Variants in SAP130 observed in about 807,000 individuals in gnomAD.
SAP130 encodes the protein Sin3A associated protein 130, also known as histone deacetylase complex subunit SAP130.
SAP130 carries 16 observed loss-of-function variants against 103.2 expected under a neutral mutation model. The observed-to-expected ratio is 0.16, with a 90% CI of 0.10 to 0.24. SAP130 has a LOEUF of 0.24. Among genes scored for constraint, SAP130 ranks in the 10% least tolerant of loss-of-function variants. SAP130 has a pLI of 1.00. For missense variants in SAP130, 990 were observed against 1,359.7 expected (o/e 0.73, Z 4.28); for synonymous variants, 477 against 497.0 (o/e 0.96, Z 0.53).
intron 2 of SAP130, 70 bp from the exon 3 acceptor site, chr2:128,017,985 G>A: frequency 7.9e-7 from 1 of 1,266,436 alleles, no homozygotes; most frequent in Non-Finnish European, 1.1e-6. Context: ...ACAGACAAGA[G>A]TGGTACCTGA....
intron 15 of SAP130, among the ~76,000 whole-genome samples, chr2:127,972,095 C>T (rs529721448): frequency 9.9e-5 from 15 of 152,158 alleles, no homozygotes; most frequent in Non-Finnish European, 2.2e-4. Flanking sequence ...AGATTGACTA[C>T]TGCAAATAAA....
In SAP130 at chr2:128,026,269, C is replaced by T. The variant is rs1319788095; in HGVS notation, c.24G>A (p.Arg8=). ...TCAGCCCGGTAGAAGGGGCTCCTAA[C>T]CGAGGAAACTGTTGAGAACTCATTT... MSSQQFP[R]LGAPSTGLSQ... Residue 8 remains arginine, a synonymous_variant, in exon 2 of 21, where the codon CGG becomes CGA. Transcript: ENST00000643581. 7 of 1,613,926 alleles carry T rather than the reference C, an allele frequency of 4.3e-6. No individual in the cohort carries two copies. Among genetic ancestry groups the T allele is most frequent in the South Asian group, 3.3e-5 (3 of 91,082 alleles).
chr2:128,004,144 G>A (rs1036023284), intron 7 of SAP130, among the ~76,000 whole-genome samples: 2 of 151,684 alleles, frequency 1.3e-5, no homozygotes, highest in African/African-American at 4.8e-5. Flanking sequence ...AGGACAAGGG[G>A]ATTGTAGGCA....
intron 9 of SAP130, 101 bp downstream of exon 9, chr2:127,999,955 C>T (rs1189460479): frequency 6.9e-7 from 1 of 1,450,288 alleles, no homozygotes; most frequent in Admixed American, 1.8e-5. Flanking sequence ...ATTTTTCTAG[C>T]CCGTTGTTTT....
rs1683170751 is a variant in SAP130 at position 127,996,297 on chromosome 2, G to A, written c.1355+53C>T. ...GGACACTTTGTTTTATGCTGATAAA[G>A]CAGAACGATTAATGACACAGTGAGG... On this transcript the variant is annotated intron_variant, in intron 11 of 20. Transcript: ENST00000643581. The surrounding 1 kb of genome is among the most constrained non-coding windows in gnomAD (Gnocchi z 4.3). 1 of 1,474,144 alleles carries A rather than the reference G, an allele frequency of 6.8e-7. No individual in the cohort carries two copies. Among genetic ancestry groups the A allele is most frequent in the African/African-American group, 1.4e-5 (1 of 70,600 alleles). The allele number at this position is 1,474,144 out of a possible 1,614,324, so 91.3% of individuals were successfully genotyped here. A position where few individuals can be genotyped will look rare whatever the true frequency, so the allele number is the denominator to read the frequency against.
intron 14 of SAP130, among the ~76,000 whole-genome samples, chr2:127,979,382 T>C (rs1681702799): frequency 6.6e-6 from 1 of 152,176 alleles, no homozygotes; most frequent in Admixed American, 6.5e-5. Flanking sequence ...AGATTTATGG[T>C]AGTTTGTTAC....
intron 14 of SAP130, among the ~76,000 whole-genome samples, chr2:127,984,667 G>A (rs1682243135): frequency 6.6e-6 from 1 of 152,178 alleles, no homozygotes; most frequent in African/African-American, 2.4e-5. Flanking sequence ...TCACCTGCCA[G>A]AGTTCTATCA....
Position 128,001,085 on chromosome 2 carries a change from T to G in SAP130, c.870-631A>C, listed in dbSNP as rs373215058. Among the ~76,000 whole-genome samples the G allele has an allele frequency of 5.3e-5, 8 of 152,294 alleles. No homozygotes were observed. In the South Asian group the frequency reaches 1.2e-3, roughly 24 times the overall value. ...CTTCCTCCCAATTTTACATCATTCC[T>G]TAGCAAATGTAAGAACACTCCTAAA... On this transcript the variant is annotated intron_variant, in intron 7 of 20. Transcript: ENST00000643581.
chr2:128,027,221 GGGCCCGCTGCTGTCCA>G (rs1685576047), intron 1 of SAP130: 1 of 1,205,078 alleles, frequency 8.3e-7, no homozygotes, highest in South Asian at 4.1e-5. Context: ...GCGGCGCCCG[GGGCCCGCTGCTGTCCA>G]GCCCCGCTGG....
intron 17 of SAP130, 28 bp downstream of exon 17, chr2:127,950,132 A>G (rs1679396172): frequency 1.2e-6 from 2 of 1,613,648 alleles, no homozygotes; most frequent in Non-Finnish European, 1.7e-6. Flanking sequence ...GGGAAGCATC[A>G]TAACACAAGT....
chr2:127,980,901 A>G (rs1681821438), intron 14 of SAP130, among the ~76,000 whole-genome samples: 1 of 151,750 alleles, frequency 6.6e-6, no homozygotes, highest in African/African-American at 2.4e-5. Flanking sequence ...CCATCTCAAC[A>G]ACAACAACAA....
At chr2:128,016,590 C>G in intron 3 of SAP130, 43 bp from the exon 4 acceptor site, 2 of 1,564,800 alleles carry the variant, frequency 1.3e-6, no homozygotes, top group Non-Finnish European at 1.7e-6. Flanking sequence ...TGGCCTCATA[C>G]TGGTGATGCA....
chr2:127,957,824 GAAGA>G (rs1037952744), intron 15 of SAP130, among the ~76,000 whole-genome samples: 1 of 152,072 alleles, frequency 6.6e-6, no homozygotes, highest in African/African-American at 2.4e-5. Context: ...GAAAAAGAGA[GAAGA>G]GAGACAGTAA....
At chr2:128,010,821 A>G (rs1369535690) in intron 6 of SAP130, among the ~76,000 whole-genome samples, 1 of 151,562 alleles carries the variant, frequency 6.6e-6, no homozygotes, top group African/African-American at 2.4e-5. Context: ...CCAAGACCGC[A>G]CCATTGCGCT....
chr2:127,961,248 C>T (rs1032340723), intron 15 of SAP130, among the ~76,000 whole-genome samples: 1 of 152,050 alleles, frequency 6.6e-6, no homozygotes, highest in East Asian at 1.9e-4. Context: ...TCTCAGCCTC[C>T]CCTCCCCAAC....
At chr2:127,977,376 T>C (rs771571447) in intron 15 of SAP130, among the ~76,000 whole-genome samples, 14 of 148,006 alleles carry the variant, frequency 9.5e-5, no homozygotes, top group Non-Finnish European at 7.4e-5. Context: ...GGCACATGCC[T>C]GTAATCCCAG....
rs1181185381 is a variant in SAP130, at chr2:127,986,455, G to GT, written c.1958+329dup. Among the ~76,000 whole-genome samples the GT allele has an allele frequency of 6.6e-6, 1 of 152,096 alleles. No individual in the cohort carries two copies. The highest frequency in any genetic ancestry group is 1.5e-5 in the Non-Finnish European group (1 of 68,038). On this transcript the variant is annotated intron_variant, in intron 14 of 20. Coordinates refer to ENST00000643581, the MANE Select transcript of SAP130 (RefSeq NM_001330301.2). The surrounding 1 kb of genome is among the most constrained non-coding windows in gnomAD (Gnocchi z 4.7). ...AATGAAGTTTATAGTATGAGTTAAG[G>GT]TAACTACCTACACAAGCCCAAGAGT...
At chr2:127,950,722 G>A (rs1289028338) in intron 16 of SAP130, among the ~76,000 whole-genome samples, 1 of 152,202 alleles carries the variant, frequency 6.6e-6, no homozygotes, top group Non-Finnish European at 1.5e-5. Flanking sequence ...GTGTTTTGTA[G>A]CACTTTTAGC....
At chr2:128,017,530 C>A in intron 3 of SAP130, 150 bp downstream of exon 3, 1 of 670,356 alleles carries the variant, frequency 1.5e-6, no homozygotes, top group Non-Finnish European at 2.5e-6. Flanking sequence ...AAAATCAGGG[C>A]TGAGTTACAG....
Sources: allele counts gnomAD v4.1 joint callset (sites outside exome capture counted in the v4.1 genomes callset), GRCh38; gene constraint gnomAD v4.1.1; non-coding constraint Gnocchi (gnomAD v3.1); transcripts MANE v1.5; gene names NCBI Gene and HGNC (gene_info 2026-07-23, HGNC 2026-07-21).